COL11A1: variants seen among roughly 807,000 people sequenced by gnomAD.
COL11A1 encodes the protein collagen type XI alpha 1 chain.
A neutral mutation model predicts 265.2 loss-of-function variants in COL11A1; 74 were observed. The ratio of observed to expected loss-of-function variants is 0.28; its 90% CI spans 0.23 to 0.34. COL11A1 has a LOEUF of 0.34. Among genes scored for constraint, COL11A1 ranks in the 10% least tolerant of loss-of-function variants. The pLI is 1.00. For missense variants in COL11A1, 2,165 were observed against 2,263.6 expected, an observed-to-expected ratio of 0.96 and a Z score of 0.88; for synonymous variants, 816 against 727.6, an observed-to-expected ratio of 1.12 and a Z score of -1.96.
At chr1:103,015,508 T>C (rs1311577203) in intron 12 of COL11A1, among the ~76,000 whole-genome samples, 160 bp downstream of exon 12, 2 of 152,104 alleles carry the variant, frequency 1.3e-5, no homozygotes, top group Non-Finnish European at 2.9e-5. Flanking sequence ...AATTTTGTTT[T>C]GTAAAATTTC....
intron 42 of COL11A1, among the ~76,000 whole-genome samples, chr1:102,941,488 C>T (rs1248462332): frequency 2.6e-5 from 4 of 152,166 alleles, no homozygotes; most frequent in African/African-American, 4.8e-5. Flanking sequence ...CTAGCTCCTG[C>T]TACCTGCCCA....
intron 4 of COL11A1, among the ~76,000 whole-genome samples, chr1:103,034,624 G>A (rs1401021068): frequency 1.3e-5 from 2 of 151,424 alleles, no homozygotes; most frequent in South Asian, 4.2e-4. Context: ...TGTTTTTTAC[G>A]TTTTTTTTAA....
intron 4 of COL11A1, among the ~76,000 whole-genome samples, chr1:103,055,070 C>A (rs1316340555): frequency 6.6e-6 from 1 of 152,124 alleles, no homozygotes; most frequent in African/African-American, 2.4e-5. Flanking sequence ...GACTGGATAT[C>A]TTGTCTGTAA....
At position 102,890,816 on chromosome 1, in the gene COL11A1, A is replaced by G. The variant is rs182493920; in HGVS notation, c.4303-312T>C. On this transcript the variant is annotated intron_variant, in intron 57 of 66. Coordinates refer to ENST00000370096, the MANE Select transcript of COL11A1 (RefSeq NM_001854.4). ...TACACTAGTTTTGGAAGGGATTTCCAAATTATATATCCAGTTACTCAAACA... is the reference window on the plus strand; with the variant it reads ...TACACTAGTTTTGGAAGGGATTTCCGAATTATATATCCAGTTACTCAAACA... Among the ~76,000 whole-genome samples, 1,753 of 152,228 alleles carry G rather than the reference A, an allele frequency of 0.012. 14 individuals carry two copies. The highest frequency in any genetic ancestry group is 0.019 in the Non-Finnish European group (1,259 of 67,966).
At chr1:103,031,071 A>G (rs1667947989) in intron 5 of COL11A1, 45 bp downstream of exon 5, 6 of 1,609,908 alleles carry the variant, frequency 3.7e-6, no homozygotes, top group Non-Finnish European at 3.4e-6. Context: ...TGCGATGTCC[A>G]TATCACTGAA....
chr1:102,889,454 C>A lies in COL11A1; in HGVS notation c.4464+1G>T, dbSNP rs1402580741. On this transcript the variant is annotated splice_donor_variant, in intron 59 of 66. Transcript: ENST00000370096. LOFTEE classifies it high-confidence loss of function. ...AAAAAATAACCTATATTTTTACTCA[C>A]CCCATCCCCTTTTGCTCCTGGAGAT... The A allele has an allele frequency of 6.2e-7, 1 of 1,608,398 alleles. No homozygotes were observed. Among genetic ancestry groups the A allele is most frequent in the Non-Finnish European group, 8.5e-7 (1 of 1,176,306 alleles).
At chr1:103,031,539 G>A (rs1034630547) in intron 4 of COL11A1, among the ~76,000 whole-genome samples, 2 of 151,594 alleles carry the variant, frequency 1.3e-5, no homozygotes, top group Admixed American at 1.3e-4. Context: ...TATACTGCAT[G>A]GTAAAGAACA....
At chr1:102,920,475 T>C (rs547038572) in intron 48 of COL11A1, 111 bp from the exon 49 acceptor site, 2 of 908,444 alleles carry the variant, frequency 2.2e-6, no homozygotes, top group African/African-American at 3.3e-5. Context: ...TGAGTATTCT[T>C]AGTCATTTAA....
chr1:102,975,241 T>A (rs187386132), intron 35 of COL11A1, among the ~76,000 whole-genome samples: 20 of 149,760 alleles, frequency 1.3e-4, no homozygotes, highest in Admixed American at 1.0e-3. Context: ...ATATTTTGAT[T>A]CAATTCAATT....
chr1:103,071,871 A>G (rs963269104), intron 4 of COL11A1, among the ~76,000 whole-genome samples: 8 of 1,610 alleles, frequency 5.0e-3, no homozygotes, highest in Non-Finnish European at 0.016. Flanking sequence ...ATGTGTTTGT[A>G]TATATATATA....
chr1:102,969,523 G>A (rs1661751176), intron 37 of COL11A1, among the ~76,000 whole-genome samples: 2 of 152,150 alleles, frequency 1.3e-5, no homozygotes, highest in East Asian at 1.9e-4. Flanking sequence ...ATAGCCAGAT[G>A]TCTGATTTTG....
At chr1:102,949,779 A>T (rs1381060003) in intron 41 of COL11A1, among the ~76,000 whole-genome samples, 1 of 152,218 alleles carries the variant, frequency 6.6e-6, no homozygotes, top group East Asian at 1.9e-4. Flanking sequence ...CATTGTACCC[A>T]TACAACTCAT....
chr1:103,082,778 A>T, intron 2 of COL11A1, 27 bp downstream of exon 2: 1 of 1,583,702 alleles, frequency 6.3e-7, no homozygotes, highest in Non-Finnish European at 8.6e-7. Flanking sequence ...AGTAATAATA[A>T]CAATAATAAT....
intron 54 of COL11A1, among the ~76,000 whole-genome samples, chr1:102,911,929 T>TG (rs781448825): frequency 7.2e-5 from 11 of 152,228 alleles, no homozygotes; most frequent in Middle Eastern, 3.4e-3. Flanking sequence ...CACAGAGGAG[T>TG]GGAAAGCTCT....
intron 39 of COL11A1, 77 bp from the exon 40 acceptor site, chr1:102,962,342 T>A: frequency 9.5e-7 from 1 of 1,052,028 alleles, no homozygotes; most frequent in Non-Finnish European, 1.5e-6. Flanking sequence ...TGATTACCTC[T>A]AAACTACTGT....
In COL11A1 at chr1:102,888,715, G is replaced by A. The variant is rs372206712; in HGVS notation, c.4554+8C>T. On this transcript the variant is annotated splice_region_variant and intron_variant, in intron 61 of 66. Coordinates refer to ENST00000370096, the MANE Select transcript of COL11A1 (RefSeq NM_001854.4). ...CAAAATTAAATTGTCAAAGGGAAAA[G>A]TACTTACAGTAGAGCCTTTGTTACC... The A allele has an allele frequency of 3.3e-5, 53 of 1,613,784 alleles. No individual in the cohort carries two copies. The African/African-American group carries it at 6.7e-4, about 20-fold the overall frequency.
intron 60 of COL11A1, 21 bp downstream of exon 60, chr1:102,888,845 G>T (rs1014638856): frequency 1.2e-6 from 2 of 1,612,224 alleles, no homozygotes; most frequent in Admixed American, 1.7e-5. Context: ...ACCTTATAAG[G>T]TTATTTTGTC....
intron 21 of COL11A1, 138 bp downstream of exon 21, chr1:103,003,077 G>C (rs1665274445): frequency 1.1e-6 from 1 of 893,680 alleles, no homozygotes; most frequent in Admixed American, 2.0e-5. Flanking sequence ...ATGAGTTAAA[G>C]TGAAAGGCAG....
rs1362365012 is a variant in COL11A1, at chr1:102,888,904, C to T, written c.4480G>A (p.Ala1494Thr). ...GGACCAGGTGGACCTAAGGGACCAG[C>T]AGGACCAGGAATTCCCTAGAGAGAG... ...AKGDGGIPGP[A>T]GPLGPPGPPG... Residue 1494 changes from alanine to threonine, a missense_variant, in exon 60 of 67, where the codon GCT becomes ACT. Coordinates refer to ENST00000370096, the MANE Select transcript of COL11A1 (RefSeq NM_001854.4). The T allele has an allele frequency of 1.9e-6, 3 of 1,612,236 alleles. No individual in the cohort carries two copies. The South Asian group carries it at 3.3e-5, about 18-fold the overall frequency.
Sources: allele counts gnomAD v4.1 joint callset (sites outside exome capture counted in the v4.1 genomes callset), GRCh38; gene constraint gnomAD v4.1.1; transcripts MANE v1.5; gene names NCBI Gene and HGNC (gene_info 2026-07-23, HGNC 2026-07-21).